Variants in LRRC4C observed in about 807,000 individuals in gnomAD.
LRRC4C encodes the protein leucine-rich repeat-containing protein 4C.
A neutral mutation model predicts 33.6 loss-of-function variants in LRRC4C; 5 were observed. That is an observed-to-expected ratio of 0.15 (90% CI 0.08 to 0.31). The LOEUF (loss-of-function observed/expected upper bound fraction) is 0.31, where lower values mean the gene tolerates loss of function less well. Among genes scored for constraint, LRRC4C ranks in the 10% least tolerant of loss-of-function variants. The pLI is 1.00. For synonymous variants in LRRC4C, 329 were observed against 302.0 expected, an observed-to-expected ratio of 1.09 and a Z score of -0.93; for missense variants, 560 against 796.7, an observed-to-expected ratio of 0.70 and a Z score of 3.58.
intron 3 of LRRC4C, among the ~76,000 whole-genome samples, chr11:40,353,847 T>A (rs1947531339): frequency 6.6e-6 from 1 of 152,234 alleles, no homozygotes; most frequent in African/African-American, 2.4e-5. Context: ...GTTAGGTCAC[T>A]GGCACCTTAT....
At chr11:41,148,897 A>T (rs77755868) in intron 1 of LRRC4C, among the ~76,000 whole-genome samples, 1 of 152,182 alleles carries the variant, frequency 6.6e-6, no homozygotes. Context: ...TATTGTTATT[A>T]ACCAAGAAGT....
At chr11:40,752,438 G>A (rs927199313) in intron 2 of LRRC4C, among the ~76,000 whole-genome samples, 4 of 151,790 alleles carry the variant, frequency 2.6e-5, no homozygotes, top group African/African-American at 4.8e-5. Context: ...AAGTGGACAA[G>A]TAACCTGAAT....
chr11:40,337,867 T>G (rs1565288153), intron 3 of LRRC4C, among the ~76,000 whole-genome samples: 1 of 152,128 alleles, frequency 6.6e-6, no homozygotes, highest in African/African-American at 2.4e-5. Context: ...CAGTGTGCGT[T>G]CTTCCCTTCT....
chr11:41,029,163 A>G (rs1008685958), intron 1 of LRRC4C, among the ~76,000 whole-genome samples: 34 of 151,844 alleles, frequency 2.2e-4, no homozygotes, highest in African/African-American at 8.0e-4. Context: ...CTACATTACG[A>G]TTGAATAGAT....
At chr11:40,370,808 CAAAAT>C (rs1191584951) in intron 3 of LRRC4C, among the ~76,000 whole-genome samples, 2 of 151,898 alleles carry the variant, frequency 1.3e-5, no homozygotes, top group African/African-American at 2.4e-5. Context: ...AAATTGTTTC[CAAAAT>C]AAAATAAAAT....
At chr11:40,349,533 G>T (rs1240380269) in intron 3 of LRRC4C, among the ~76,000 whole-genome samples, 1 of 152,030 alleles carries the variant, frequency 6.6e-6, no homozygotes, top group East Asian at 1.9e-4. Flanking sequence ...CAATTAACAT[G>T]GGAGTGCAGA....
chr11:41,322,628 AC>A (rs1255389346), intron 1 of LRRC4C, among the ~76,000 whole-genome samples: 1 of 152,236 alleles, frequency 6.6e-6, no homozygotes, highest in Admixed American at 6.5e-5. Flanking sequence ...ATTTAAAAAA[AC>A]ATACGGGTGT....
intron 3 of LRRC4C, among the ~76,000 whole-genome samples, chr11:40,410,515 C>T (rs895645177): frequency 6.6e-6 from 1 of 151,682 alleles, no homozygotes; most frequent in African/African-American, 2.4e-5. Flanking sequence ...GTTGTCAACT[C>T]TCCAGTCACT....
Position 40,688,172 on chromosome 11 carries a change from G to A in LRRC4C, c.-406-39894C>T, listed in dbSNP as rs139004689. ...TTAGTTTTTTAATCTCAGAGCAGAA[G>A]GTAAAAATGAGCTGCTGCTATGGGT... On this transcript the variant is annotated intron_variant, in intron 2 of 6. Coordinates refer to ENST00000528697, the MANE Select transcript of LRRC4C (RefSeq NM_001258419.2). 2.9e-3 allele frequency among the ~76,000 whole-genome samples: 443 copies of A among 152,220 alleles called. 1 individual carries two copies. The highest frequency in any genetic ancestry group is 0.01 in the African/African-American group (432 of 41,540).
At chr11:41,190,901 A>G (rs1281368838) in intron 1 of LRRC4C, among the ~76,000 whole-genome samples, 1 of 152,174 alleles carries the variant, frequency 6.6e-6, no homozygotes, top group Non-Finnish European at 1.5e-5. Context: ...GTCTCTCGCT[A>G]CAGTAAGGAA....
chr11:41,351,564 A>G (rs1417120502), intron 1 of LRRC4C, among the ~76,000 whole-genome samples: 1 of 152,174 alleles, frequency 6.6e-6, no homozygotes, highest in South Asian at 2.1e-4. Flanking sequence ...AGATGAACAC[A>G]TAAGAAAAAA....
At chr11:40,170,198 CAT>C (rs1859929961) in intron 5 of LRRC4C, among the ~76,000 whole-genome samples, 1 of 152,186 alleles carries the variant, frequency 6.6e-6, no homozygotes, top group African/African-American at 2.4e-5. Flanking sequence ...CCAATACACA[CAT>C]ATGAATGGTT....
At chr11:40,704,929 A>T (rs1231660671) in intron 2 of LRRC4C, among the ~76,000 whole-genome samples, 1 of 152,182 alleles carries the variant, frequency 6.6e-6, no homozygotes, top group Admixed American at 6.6e-5. Context: ...AAACTAAATA[A>T]TTCCAAAAAT....
intron 1 of LRRC4C, among the ~76,000 whole-genome samples, chr11:41,000,323 G>T (rs913280842): frequency 2.0e-5 from 3 of 152,110 alleles, no homozygotes; most frequent in Non-Finnish European, 2.9e-5. Context: ...CAGGAAGGGA[G>T]AAAATATGTT....
rs146437323 is a variant in LRRC4C, at chr11:40,792,307, G to A, written c.-407+141328C>T. 1.7e-4 allele frequency among the ~76,000 whole-genome samples: 26 copies of A among 151,906 alleles called. No homozygotes were observed. The South Asian group carries it at 3.1e-3, about 18-fold the overall frequency. ...TCTTTATTATTGAAGTTTATTTCTC[G>A]GTAGTGCTACCAGTTTTGAAAGGTG... On this transcript the variant is annotated intron_variant, in intron 2 of 6. Coordinates refer to ENST00000528697, the MANE Select transcript of LRRC4C (RefSeq NM_001258419.2).
chr11:40,886,489 C>A (rs994211182), intron 2 of LRRC4C, among the ~76,000 whole-genome samples: 1 of 151,068 alleles, frequency 6.6e-6, no homozygotes, highest in Admixed American at 6.6e-5. Flanking sequence ...CAATAGAAAC[C>A]CTTTTGTCCT....
chr11:40,401,540 C>T (rs1269102614), intron 3 of LRRC4C, among the ~76,000 whole-genome samples: 2 of 152,076 alleles, frequency 1.3e-5, no homozygotes, highest in East Asian at 1.9e-4. Flanking sequence ...CATCATATGT[C>T]GATTGCTTTC....
chr11:41,078,329 A>C (rs186337647), intron 1 of LRRC4C, among the ~76,000 whole-genome samples: 1 of 152,178 alleles, frequency 6.6e-6, no homozygotes, highest in Admixed American at 6.5e-5. Context: ...ATTTTCAGGT[A>C]TCTTTATGGC....
intron 2 of LRRC4C, among the ~76,000 whole-genome samples, chr11:40,849,877 T>C (rs1379523627): frequency 6.6e-6 from 1 of 151,730 alleles, no homozygotes; most frequent in Non-Finnish European, 1.5e-5. Flanking sequence ...TTTCAATAAG[T>C]TGATTTTCAA....
Sources: allele counts gnomAD v4.1 joint callset (sites outside exome capture counted in the v4.1 genomes callset), GRCh38; gene constraint gnomAD v4.1.1; transcripts MANE v1.5; gene names NCBI Gene and HGNC (gene_info 2026-07-23, HGNC 2026-07-21).